The following HCN1 variants were observed in gnomAD, a reference collection of about 807,000 sequenced individuals.
HCN1 encodes the protein potassium/sodium hyperpolarization-activated cyclic nucleotide-gated channel 1.
A neutral mutation model predicts 78.9 loss-of-function variants in HCN1; 13 were observed. The observed-to-expected ratio is 0.16, with a 90% CI of 0.11 to 0.26. The LOEUF (loss-of-function observed/expected upper bound fraction) is 0.26. Among genes scored for constraint, HCN1 ranks in the 10% least tolerant of loss-of-function variants. The pLI, the probability that HCN1 is intolerant of heterozygous loss-of-function variation, is 1.00. For missense variants in HCN1, 810 were observed against 1,154.3 expected, an observed-to-expected ratio of 0.70 and a Z score of 4.32; for synonymous variants, 552 against 455.5, an observed-to-expected ratio of 1.21 and a Z score of -2.70.
rs1205608085 is a variant in HCN1 at position 45,256,680 on chromosome 5, C to T, written c.*5241G>A. 1 of 152,188 alleles carries T rather than the reference C, an allele frequency of 6.6e-6. No homozygotes were observed. The highest frequency in any genetic ancestry group is 2.4e-5 in the African/African-American group (1 of 41,428). The allele number at this position is 152,188 out of a possible 1,614,324, so 9.4% of individuals were successfully genotyped here. A position where few individuals can be genotyped will look rare whatever the true frequency, so the allele number is the denominator to read the frequency against. On this transcript the variant is annotated 3_prime_UTR_variant, in exon 8 of 8. Transcript: ENST00000303230. ...GAGTAACTAGGACTACAGGAATACA[C>T]CACCTATAGTCGGGTTTTCTAAACA... is the stretch of plus-strand genomic sequence containing the variant.
chr5:45,384,636 G>GA (rs565776564), intron 4 of HCN1, among the ~76,000 whole-genome samples: 1 of 151,988 alleles, frequency 6.6e-6, no homozygotes, highest in Non-Finnish European at 1.5e-5. Flanking sequence ...TTTACGGATG[G>GA]AAAAAAATCT....
intron 2 of HCN1, among the ~76,000 whole-genome samples, chr5:45,555,529 G>A (rs573157793): frequency 1.1e-4 from 16 of 151,642 alleles, no homozygotes; most frequent in Admixed American, 2.6e-4. Flanking sequence ...TCTTCAAAGA[G>A]CTAGAAAAAA....
intron 2 of HCN1, among the ~76,000 whole-genome samples, chr5:45,548,328 T>C (rs531364927): frequency 7.1e-4 from 108 of 152,066 alleles, no homozygotes; most frequent in Admixed American, 1.5e-3. Context: ...ATGAGTTTTC[T>C]AAGCCTAGAT....
At chr5:45,665,639 T>C (rs2112067748) in intron 1 of HCN1, among the ~76,000 whole-genome samples, 1 of 152,146 alleles carries the variant, frequency 6.6e-6, no homozygotes. Context: ...AGAATGGATC[T>C]TATAAATGCA....
At chr5:45,668,200 G>A (rs1746087233) in intron 1 of HCN1, among the ~76,000 whole-genome samples, 1 of 151,832 alleles carries the variant, frequency 6.6e-6, no homozygotes, top group African/African-American at 2.4e-5. Context: ...TATCAAAATA[G>A]ATAGCTACTG....
chr5:45,347,051 C>G (rs571553732), intron 5 of HCN1, among the ~76,000 whole-genome samples: 1 of 152,224 alleles, frequency 6.6e-6, no homozygotes, highest in South Asian at 2.1e-4. Flanking sequence ...TGAGAACAGG[C>G]AGACTGCCTC....
At chr5:45,687,651 CTTTGGCTGTTTGA>C (rs1029773596) in intron 1 of HCN1, among the ~76,000 whole-genome samples, 5 of 152,080 alleles carry the variant, frequency 3.3e-5, no homozygotes, top group African/African-American at 1.2e-4. Context: ...TCTGGACCTT[CTTTGGCTGTTTGA>C]TTTAGTCTTT....
chr5:45,458,760 A>C (rs1579908255), intron 3 of HCN1, among the ~76,000 whole-genome samples: 1 of 152,068 alleles, frequency 6.6e-6, no homozygotes, highest in Non-Finnish European at 1.5e-5. Flanking sequence ...AACTTCTAAA[A>C]ACTTTAGTTT....
intron 2 of HCN1, among the ~76,000 whole-genome samples, chr5:45,568,194 T>A (rs1195280528): frequency 1.3e-5 from 2 of 152,108 alleles, no homozygotes; most frequent in Admixed American, 1.3e-4. Context: ...CTTGAGCAAA[T>A]GTTACGATCA....
chr5:45,505,745 C>T (rs974184190), intron 2 of HCN1, among the ~76,000 whole-genome samples: 3 of 152,010 alleles, frequency 2.0e-5, no homozygotes, highest in Non-Finnish European at 4.4e-5. Context: ...TAATATTTTT[C>T]ATATATAAAT....
intron 2 of HCN1, among the ~76,000 whole-genome samples, chr5:45,585,466 G>A (rs533293162): frequency 5.9e-5 from 9 of 152,150 alleles, no homozygotes; most frequent in African/African-American, 1.9e-4. Context: ...CTTTGCCAAG[G>A]GTTCGAACTT....
intron 5 of HCN1, among the ~76,000 whole-genome samples, chr5:45,312,018 G>T (rs1367613639): frequency 6.6e-6 from 1 of 152,200 alleles, no homozygotes; most frequent in African/African-American, 2.4e-5. Context: ...GGAACCCAAG[G>T]TGTACATATA....
chr5:45,461,529 C>T (rs79088909), intron 3 of HCN1, among the ~76,000 whole-genome samples: 4,624 of 152,066 alleles, frequency 0.03, 273 homozygotes, highest in African/African-American at 0.1. Flanking sequence ...AAGCCACAGG[C>T]ATTTTTGAAA....
At chr5:45,659,209 G>A (rs917342200) in intron 1 of HCN1, among the ~76,000 whole-genome samples, 11 of 147,580 alleles carry the variant, frequency 7.5e-5, no homozygotes, top group South Asian at 2.2e-4. Flanking sequence ...CACCTCACAC[G>A]GCAGGGTATT....
intron 2 of HCN1, among the ~76,000 whole-genome samples, chr5:45,540,751 T>C (rs1036727436): frequency 1.3e-5 from 2 of 152,218 alleles, no homozygotes; most frequent in African/African-American, 4.8e-5. Flanking sequence ...TTATTTACTT[T>C]TTTCTAATTG....
chr5:45,657,033 G>T (rs1002879785), intron 1 of HCN1, among the ~76,000 whole-genome samples: 1 of 152,082 alleles, frequency 6.6e-6, no homozygotes, highest in African/African-American at 2.4e-5. Flanking sequence ...AGCAGAATGG[G>T]TGATGTGTCA....
At chr5:45,586,009 A>T (rs1420901405) in intron 2 of HCN1, among the ~76,000 whole-genome samples, 1 of 152,136 alleles carries the variant, frequency 6.6e-6, no homozygotes, top group Non-Finnish European at 1.5e-5. Flanking sequence ...CTGTTCTCAG[A>T]TCTTCAGCTG....
intron 2 of HCN1, among the ~76,000 whole-genome samples, chr5:45,502,771 C>T (rs990545250): frequency 6.6e-6 from 1 of 152,064 alleles, no homozygotes; most frequent in African/African-American, 2.4e-5. Flanking sequence ...ATAAATCATT[C>T]CACGGCTATG....
At chr5:45,318,861 C>G (rs903684081) in intron 5 of HCN1, among the ~76,000 whole-genome samples, 1 of 151,942 alleles carries the variant, frequency 6.6e-6, no homozygotes, top group African/African-American at 2.4e-5. Context: ...TCATCTTAGT[C>G]AACCCAGAGG....
Sources: gnomAD v4.1 joint callset for allele counts (sites outside exome capture counted in the v4.1 genomes callset) on GRCh38, gnomAD v4.1.1 for gene constraint, MANE v1.5 for transcripts, NCBI Gene and HGNC (gene_info 2026-07-23, HGNC 2026-07-21) for gene names.